CCDC171: variants seen among roughly 807,000 people sequenced by gnomAD.
CCDC171 encodes the protein coiled-coil domain containing 171.
CCDC171 carries 177 observed loss-of-function variants against 168.2 expected under a neutral mutation model. The ratio of observed to expected loss-of-function variants is 1.05; its 90% CI spans 0.93 to 1.19. CCDC171 has a LOEUF of 1.19. Ranked by LOEUF, CCDC171 falls within the 50% of genes most tolerant of loss-of-function variation. The pLI, the probability that CCDC171 is intolerant of heterozygous loss-of-function variation, is 0.00. For missense variants in CCDC171, 1,991 were observed against 1,539.0 expected (o/e 1.29, Z -4.91); for synonymous variants, 687 against 540.8 (o/e 1.27, Z -3.75).
chr9:15,735,832 A>G (rs146704327), intron 16 of CCDC171, among the ~76,000 whole-genome samples: 1 of 152,208 alleles, frequency 6.6e-6, no homozygotes, highest in Admixed American at 6.5e-5. Flanking sequence ...CTGTGAGTCC[A>G]TGGGAATGGA....
At chr9:16,101,813 G>A in the CCDC171 span, among the ~76,000 whole-genome samples, 1 of 152,180 alleles carries the variant, frequency 6.6e-6, no homozygotes, top group Non-Finnish European at 1.5e-5. Context: ...TCAGCTCCAT[G>A]CTGCAATGAA....
chr9:15,840,043 A>G (rs909106320), intron 21 of CCDC171, among the ~76,000 whole-genome samples: 3 of 152,174 alleles, frequency 2.0e-5, no homozygotes, highest in African/African-American at 7.2e-5. Flanking sequence ...TAGTTAATAT[A>G]TAACATATTC....
At chr9:15,966,861 A>T (rs1306279377) in intron 25 of CCDC171, among the ~76,000 whole-genome samples, 1 of 151,664 alleles carries the variant, frequency 6.6e-6, no homozygotes, top group African/African-American at 2.4e-5. Flanking sequence ...TGAGAAATAA[A>T]TATTGGATGG....
intron 14 of CCDC171, among the ~76,000 whole-genome samples, chr9:15,727,599 C>A (rs1432836371): frequency 1.3e-5 from 2 of 152,130 alleles, no homozygotes; most frequent in Non-Finnish European, 2.9e-5. Flanking sequence ...CAAATCACAA[C>A]CTCCATCAGT....
chr9:15,766,291 A>T (rs76742641), intron 18 of CCDC171, among the ~76,000 whole-genome samples: 3,532 of 152,200 alleles, frequency 0.023, 60 homozygotes, highest in South Asian at 0.037. Context: ...TTTTGCCAAC[A>T]TTCATGAAAT....
At chr9:15,969,972 A>T (rs1033262192) in intron 25 of CCDC171, among the ~76,000 whole-genome samples, 10 of 152,268 alleles carry the variant, frequency 6.6e-5, no homozygotes, top group African/African-American at 2.4e-4. Flanking sequence ...TAATACTACT[A>T]ATCAGGGTCA....
chr9:15,975,267 A>G (rs1043701426), downstream of CCDC171, among the ~76,000 whole-genome samples: 2 of 152,206 alleles, frequency 1.3e-5, no homozygotes, highest in Admixed American at 6.5e-5. Flanking sequence ...CAAAGATCAT[A>G]CATAACCTAG....
intron 3 of CCDC171, among the ~76,000 whole-genome samples, chr9:16,019,381 G>A (rs1361288813): frequency 6.6e-6 from 1 of 152,184 alleles, no homozygotes; most frequent in Non-Finnish European, 1.5e-5. Flanking sequence ...GGATAGATGA[G>A]GGGCCATCTC....
At chr9:15,936,880 C>T (rs1348899368) in intron 25 of CCDC171, among the ~76,000 whole-genome samples, 3 of 152,006 alleles carry the variant, frequency 2.0e-5, no homozygotes, top group Non-Finnish European at 2.9e-5. Context: ...CCACTAAAGT[C>T]ACCCTGTTTG....
At chr9:15,637,649 G>A (rs1489568196) in intron 7 of CCDC171, among the ~76,000 whole-genome samples, 2 of 124,264 alleles carry the variant, frequency 1.6e-5, no homozygotes, top group African/African-American at 6.4e-5. Flanking sequence ...TCCCCAGAGT[G>A]TGATGTTCCC....
At chr9:16,071,555 A>G in the CCDC171 span, among the ~76,000 whole-genome samples, 9 of 152,330 alleles carry the variant, frequency 5.9e-5, no homozygotes, top group Non-Finnish European at 1.0e-4. Flanking sequence ...GTGCCTGGCC[A>G]TGGAGAATAC....
At chr9:15,644,096 AT>A (rs2046848112) in intron 7 of CCDC171, among the ~76,000 whole-genome samples, 1 of 152,188 alleles carries the variant, frequency 6.6e-6, no homozygotes, top group Non-Finnish European at 1.5e-5. Context: ...TAGGAATGTA[AT>A]TGCTGGGTCA....
intron 7 of CCDC171, 54 bp downstream of exon 7, chr9:15,623,467 G>GCGCGCGCGCGCGCA (rs1554714801): frequency 1.7e-6 from 1 of 587,398 alleles, no homozygotes; most frequent in Non-Finnish European, 2.6e-6. Flanking sequence ...TCACATATGC[G>GCGCGCGCGCGCGCA]CGCGCGCGCA....
chr9:15,579,038 A>G lies in CCDC171; in HGVS notation c.352+15A>G, dbSNP rs1362295552. The G allele has an allele frequency of 1.2e-6, 2 of 1,607,698 alleles. No individual in the cohort carries two copies. The highest frequency in any genetic ancestry group is 1.7e-5 in the Admixed American group (1 of 59,504). Reference sequence around the variant, plus strand: ...AAAACTCTGTGGTAAGACTGTTTCTATTTCTTCCCAAGTTTAGGGTTGTAA... The same window carrying G: ...AAAACTCTGTGGTAAGACTGTTTCTGTTTCTTCCCAAGTTTAGGGTTGTAA... On this transcript the variant is annotated intron_variant, in intron 4 of 25. Transcript: ENST00000380701.
chr9:16,002,306 C>G (rs558404905), intron 3 of CCDC171, among the ~76,000 whole-genome samples: 76 of 151,994 alleles, frequency 5.0e-4, no homozygotes, highest in African/African-American at 1.8e-3. Context: ...CCTGGAGACC[C>G]TCCTATGAAA....
intron 3 of CCDC171, 124 bp downstream of exon 3, chr9:15,571,883 T>C: frequency 1.3e-6 from 1 of 777,904 alleles, no homozygotes; most frequent in Non-Finnish European, 2.0e-6. Flanking sequence ...AAAAGGAAAT[T>C]GTAATAAAGG....
chr9:16,001,996 C>A (rs776434892), intron 3 of CCDC171, among the ~76,000 whole-genome samples: 4 of 151,580 alleles, frequency 2.6e-5, no homozygotes, highest in Non-Finnish European at 5.9e-5. Context: ...GCCACCATTG[C>A]CCATCTGATT....
At chr9:16,034,632 T>A (rs1264608755) in intron 6 of CCDC171, among the ~76,000 whole-genome samples, 1 of 152,198 alleles carries the variant, frequency 6.6e-6, no homozygotes, top group Admixed American at 6.5e-5. Context: ...GTCGTAGTTC[T>A]GTCCATCAGA....
At chr9:16,014,277 A>G (rs931034442) in intron 3 of CCDC171, among the ~76,000 whole-genome samples, 1 of 152,184 alleles carries the variant, frequency 6.6e-6, no homozygotes, top group African/African-American at 2.4e-5. Flanking sequence ...TATTCATTCA[A>G]GTTTTCTCAT....
Sources: allele counts gnomAD v4.1 joint callset (sites outside exome capture counted in the v4.1 genomes callset), GRCh38; gene constraint gnomAD v4.1.1; transcripts MANE v1.5; gene names NCBI Gene and HGNC (gene_info 2026-07-23, HGNC 2026-07-21).